XIRP2: variants seen among roughly 807,000 people sequenced by gnomAD.
The protein encoded by XIRP2 is xin actin binding repeat containing 2, also known as xin actin-binding repeat-containing protein 2.
In XIRP2, 236 loss-of-function variants were observed where a neutral mutation model predicts 277.0. The ratio of observed to expected loss-of-function variants is 0.85; its 90% CI spans 0.77 to 0.95. The LOEUF (loss-of-function observed/expected upper bound fraction) is 0.95. Ranked by LOEUF, XIRP2 falls within the 40% of genes least tolerant of loss-of-function variation. The pLI is 0.00. For synonymous variants in XIRP2, 1,490 were observed against 1,416.5 expected (o/e 1.05, Z -1.17); for missense variants, 4,640 against 4,157.5 (o/e 1.12, Z -3.19).
chr2:167,150,312 T>C (rs934295740), intron 3 of XIRP2, among the ~76,000 whole-genome samples: 1 of 152,000 alleles, frequency 6.6e-6, no homozygotes, highest in African/African-American at 2.4e-5. Context: ...GGTGGTAGTA[T>C]AAAAATTGTA....
intron 2 of XIRP2, among the ~76,000 whole-genome samples, chr2:166,969,660 T>G (rs758186132): frequency 1.1e-4 from 17 of 151,948 alleles, no homozygotes; most frequent in Non-Finnish European, 2.4e-4. Context: ...AGCAATTTCA[T>G]GCTTGCTTTT....
intron 2 of XIRP2, among the ~76,000 whole-genome samples, chr2:166,969,558 C>T (rs1686520526): frequency 1.3e-5 from 2 of 151,646 alleles, no homozygotes; most frequent in South Asian, 4.2e-4. Context: ...AAAAAAACTC[C>T]CTTTCAATCA....
chr2:167,176,413 C>T (rs538582489), intron 3 of XIRP2, among the ~76,000 whole-genome samples: 2 of 152,286 alleles, frequency 1.3e-5, no homozygotes, highest in African/African-American at 2.4e-5. Flanking sequence ...GCATTGATCT[C>T]GCTGGAGCTG....
chr2:167,122,267 A>G (rs1488096126), intron 2 of XIRP2, among the ~76,000 whole-genome samples: 1 of 152,182 alleles, frequency 6.6e-6, no homozygotes, highest in Non-Finnish European at 1.5e-5. Flanking sequence ...ATTGGACCCA[A>G]CCAAAAATGG....
chr2:166,975,071 A>G (rs1483697810), intron 2 of XIRP2, among the ~76,000 whole-genome samples: 1 of 152,146 alleles, frequency 6.6e-6, no homozygotes, highest in Admixed American at 6.5e-5. Context: ...AAAATTTTGT[A>G]TTGATCAAAA....
chr2:167,154,135 T>C lies in XIRP2; in HGVS notation c.562+18073T>C, dbSNP rs1692109973. 1.3e-5 allele frequency among the ~76,000 whole-genome samples: 2 copies of C among 149,718 alleles called. 1 individual carries two copies. Among genetic ancestry groups the C allele is most frequent in the African/African-American group, 5.0e-5 (2 of 40,292 alleles). On this transcript the variant is annotated intron_variant, in intron 3 of 10. Coordinates refer to ENST00000409195, the MANE Select transcript of XIRP2 (RefSeq NM_152381.6). ...GTGAGATGGTATCTCATTGTGGTTT[T>C]GATTTGCATTTCTCTGATGGCCAGT...
At chr2:167,071,959 T>C (rs1689448394) in intron 2 of XIRP2, among the ~76,000 whole-genome samples, 1 of 152,180 alleles carries the variant, frequency 6.6e-6, no homozygotes, top group Non-Finnish European at 1.5e-5. Context: ...ACCTTGCTCA[T>C]AAATATTTGT....
intron 2 of XIRP2, among the ~76,000 whole-genome samples, chr2:166,988,462 C>A (rs1338624059): frequency 7.4e-6 from 1 of 134,358 alleles, no homozygotes; most frequent in Non-Finnish European, 1.6e-5. Flanking sequence ...GTTGGAGGAG[C>A]CAAGATGGCC....
chr2:167,140,196 A>G (rs1207670253), intron 3 of XIRP2, among the ~76,000 whole-genome samples: 2 of 152,178 alleles, frequency 1.3e-5, no homozygotes, highest in African/African-American at 4.8e-5. Context: ...TCCCTTTTCA[A>G]TGTGCTGATA....
intron 2 of XIRP2, among the ~76,000 whole-genome samples, chr2:167,101,612 T>C (rs1399356308): frequency 2.0e-5 from 3 of 152,200 alleles, no homozygotes; most frequent in African/African-American, 2.4e-5. Context: ...CGCATAATGG[T>C]CTCCAATTCC....
chr2:167,250,268 C>T lies in XIRP2; in HGVS notation c.8876C>T (p.Ser2959Leu). ...CGTGAAGAACTGCAACAGATTTTGT[C>T]GAGAGTGAAACAGTTTGAAGCAGAG... is the stretch of plus-strand genomic sequence containing the variant. ...RKREELQQIL[S>L]RVKQFEAEPN... Residue 2959 changes from serine to leucine, a missense_variant, in exon 9 of 11, where the codon TCG becomes TTG. Coordinates refer to ENST00000409195, the MANE Select transcript of XIRP2 (RefSeq NM_152381.6). 2.5e-6 allele frequency: 4 copies of T among 1,613,084 alleles called. No individual in the cohort carries two copies. The highest frequency in any genetic ancestry group is 3.4e-6 in the Non-Finnish European group (4 of 1,179,602).
chr2:167,251,261 A>T lies in XIRP2; in HGVS notation c.9869A>T (p.Tyr3290Phe), dbSNP rs1695491838. 6.2e-7 allele frequency: 1 copy of T among 1,613,540 alleles called. No individual in the cohort carries two copies. Among genetic ancestry groups the T allele is most frequent in the Non-Finnish European group, 8.5e-7 (1 of 1,179,714 alleles). Reference protein sequence around the residue: ...TDHMVPDTESYDAVEIIRKVA... With the variant: ...TDHMVPDTESFDAVEIIRKVA... ...CACATGGTGCCCGACACTGAAAGTT[A>T]TGATGCAGTTGAAATCATCCGCAAG... The change falls in exon 9 of 11, where the codon TAT becomes TTT. Residue 3290 changes from tyrosine (Y) to phenylalanine (F), a missense_variant. By Grantham distance (22) the Tyr-to-Phe change is conservative. Transcript: ENST00000409195.
In XIRP2 at chr2:166,978,720, C is replaced by T. The variant is rs188455906; in HGVS notation, c.408+74830C>T. 3.3e-5 allele frequency among the ~76,000 whole-genome samples: 5 copies of T among 152,194 alleles called. No individual in the cohort carries two copies. The East Asian group carries it at 9.7e-4, about 29-fold the overall frequency. On this transcript the variant is annotated intron_variant, in intron 2 of 10. Transcript: ENST00000409195. ...TTTTCTAGCCAGACATGGTGGCTCA[C>T]GCCTGTAATCCCAGCACTTTGAGAG...
At chr2:167,041,411 C>A (rs986638274) in intron 2 of XIRP2, among the ~76,000 whole-genome samples, 2 of 152,086 alleles carry the variant, frequency 1.3e-5, no homozygotes, top group Non-Finnish European at 2.9e-5. Flanking sequence ...AAACCCAATC[C>A]ATGAAACCTA....
chr2:167,074,062 T>A (rs948233483), intron 2 of XIRP2, among the ~76,000 whole-genome samples: 10 of 152,278 alleles, frequency 6.6e-5, no homozygotes, highest in South Asian at 6.2e-4. Flanking sequence ...TGAGATAGTA[T>A]TAAGTAGTAT....
At chr2:166,961,748 T>C (rs1396824139) in intron 2 of XIRP2, among the ~76,000 whole-genome samples, 1 of 151,806 alleles carries the variant, frequency 6.6e-6, no homozygotes. Context: ...TTATATTTTT[T>C]ACCTTCCTCG....
intron 2 of XIRP2, among the ~76,000 whole-genome samples, chr2:167,066,376 G>C (rs1372451384): frequency 6.6e-6 from 1 of 151,870 alleles, no homozygotes; most frequent in African/African-American, 2.4e-5. Flanking sequence ...TGTACAAAAA[G>C]GTGCTCAGCA....
At chr2:167,194,269 C>T (rs890029468) in intron 3 of XIRP2, among the ~76,000 whole-genome samples, 3 of 151,682 alleles carry the variant, frequency 2.0e-5, no homozygotes, top group African/African-American at 4.8e-5. Context: ...TTAGTAGAGA[C>T]GAGGTTTCAC....
intron 2 of XIRP2, among the ~76,000 whole-genome samples, chr2:166,913,359 C>T (rs549451506): frequency 2.0e-5 from 3 of 150,728 alleles, no homozygotes; most frequent in South Asian, 2.1e-4. Context: ...TCTCAGACTG[C>T]GGTGCTAGCA....
Sources: allele counts gnomAD v4.1 joint callset (sites outside exome capture counted in the v4.1 genomes callset), GRCh38; gene constraint gnomAD v4.1.1; transcripts MANE v1.5; gene names NCBI Gene and HGNC (gene_info 2026-07-23, HGNC 2026-07-21).